GCM1: variants seen among roughly 807,000 people sequenced by gnomAD.
GCM1 encodes the protein chorion-specific transcription factor GCMa.
In GCM1, 2 loss-of-function variants were observed where a neutral mutation model predicts 25.7. The observed-to-expected ratio is 0.08, with a 90% CI of 0.03 to 0.24. The LOEUF (loss-of-function observed/expected upper bound fraction) is 0.24. Ranked by LOEUF, GCM1 falls within the 10% of genes least tolerant of loss-of-function variation. GCM1 has a pLI of 1.00. For synonymous variants in GCM1, 183 were observed against 195.7 expected (o/e 0.94, Z 0.54); for missense variants, 395 against 538.7 (o/e 0.73, Z 2.64).
intron 2 of GCM1, among the ~76,000 whole-genome samples, chr6:53,137,974 T>G (rs1213758535): frequency 6.6e-6 from 1 of 151,626 alleles, no homozygotes; most frequent in Non-Finnish European, 1.5e-5. Flanking sequence ...ACCTTAGTTT[T>G]CCAGTTCTAT....
At chr6:53,147,394 G>A (rs1334185729) in intron 1 of GCM1, among the ~76,000 whole-genome samples, 1 of 148,806 alleles carries the variant, frequency 6.7e-6, no homozygotes. Flanking sequence ...GCTTTGGCGA[G>A]ACCCATGAAC....
chr6:53,146,533 A>G (rs1160868098), intron 1 of GCM1, among the ~76,000 whole-genome samples: 1 of 152,170 alleles, frequency 6.6e-6, no homozygotes, highest in Admixed American at 6.5e-5. Flanking sequence ...AAAAAAATAT[A>G]TTTGAAAATC....
intron 2 of GCM1, among the ~76,000 whole-genome samples, chr6:53,139,585 A>G (rs1450191657): frequency 6.6e-6 from 1 of 151,816 alleles, no homozygotes; most frequent in Non-Finnish European, 1.5e-5. Flanking sequence ...GACTCAGGAC[A>G]GGCCAGGCGC....
intron 1 of GCM1, among the ~76,000 whole-genome samples, chr6:53,147,436 T>C (rs867032754): frequency 6.7e-6 from 1 of 148,330 alleles, no homozygotes; most frequent in Non-Finnish European, 1.5e-5. Context: ...TTTTTTTTTT[T>C]TTTTTTTTTT....
Position 53,134,322 on chromosome 6 carries a change from G to T in GCM1, c.78C>A (p.Asn26Lys). The part of the protein sequence containing the change: ...WDINDVKLPQ[N>K]VKKTDWFQEW... ...CCTGGAACCAGTCGGTTTTTTTCAC[G>T]TTCTGATAGAAACACAAAAGATACG... Residue 26 changes from asparagine to lysine, a missense_variant and splice_region_variant, in exon 3 of 6, where the codon AAC (asparagine) becomes AAA (lysine). Transcript: ENST00000259803. The T allele has an allele frequency of 6.2e-7, 1 of 1,612,892 alleles. No homozygotes were observed. Among genetic ancestry groups the T allele is most frequent in the Non-Finnish European group, 8.5e-7 (1 of 1,178,922 alleles).
intron 2 of GCM1, among the ~76,000 whole-genome samples, chr6:53,140,912 A>G (rs1763862743): frequency 6.6e-6 from 1 of 152,200 alleles, no homozygotes; most frequent in Non-Finnish European, 1.5e-5. Context: ...CTAAATCAAC[A>G]CCAGACTTTT....
intron 3 of GCM1, among the ~76,000 whole-genome samples, chr6:53,133,197 G>T (rs1763749668): frequency 6.6e-6 from 1 of 152,134 alleles, no homozygotes; most frequent in African/African-American, 2.4e-5. Flanking sequence ...TTTGGATGGA[G>T]TCTGTCACCC....
chr6:53,140,356 T>G (rs550142768), intron 2 of GCM1, among the ~76,000 whole-genome samples: 1 of 152,202 alleles, frequency 6.6e-6, no homozygotes, highest in Admixed American at 6.5e-5. Context: ...TGTGGCCACA[T>G]GGATTCACAG....
chr6:53,146,439 C>T (rs928271732), intron 1 of GCM1, among the ~76,000 whole-genome samples: 6 of 151,600 alleles, frequency 4.0e-5, no homozygotes, highest in African/African-American at 7.3e-5. Flanking sequence ...AGCCTGGTCT[C>T]GAACTCCTGA....
At chr6:53,139,333 T>C (rs920639432) in intron 2 of GCM1, among the ~76,000 whole-genome samples, 4 of 151,914 alleles carry the variant, frequency 2.6e-5, no homozygotes, top group African/African-American at 4.8e-5. Context: ...AGGAAAAAAA[T>C]TGAATTCAAC....
chr6:53,145,029 G>C lies in GCM1; in HGVS notation c.75+529C>G, dbSNP rs114740280. ...AAAAAAGAAAGAAAGAAAAAAGGAAGAAGGCAGGAAGGCAAGGCAAGGCGA... is the reference window on the plus strand; with the variant it reads ...AAAAAAGAAAGAAAGAAAAAAGGAACAAGGCAGGAAGGCAAGGCAAGGCGA... On this transcript the variant is annotated intron_variant, in intron 2 of 5. Coordinates refer to ENST00000259803, the MANE Select transcript of GCM1 (RefSeq NM_003643.4). Among the ~76,000 whole-genome samples the C allele has an allele frequency of 1.8e-3, 271 of 151,702 alleles. 2 individuals are homozygous for C. Among genetic ancestry groups the C allele is most frequent in the African/African-American group, 6.2e-3 (258 of 41,364 alleles).
At chr6:53,144,888 C>T (rs1763930707) in intron 2 of GCM1, among the ~76,000 whole-genome samples, 1 of 135,096 alleles carries the variant, frequency 7.4e-6, no homozygotes, top group Non-Finnish European at 1.5e-5. Context: ...GCACTCCAAC[C>T]TAGTTGACAG....
chr6:53,139,073 C>A (rs1354848880), intron 2 of GCM1, among the ~76,000 whole-genome samples: 2 of 152,112 alleles, frequency 1.3e-5, no homozygotes, highest in Non-Finnish European at 2.9e-5. Context: ...TCTGCTCTTG[C>A]ATAAAGTAAA....
chr6:53,134,496 C>G (rs1440802488), intron 2 of GCM1, among the ~76,000 whole-genome samples, 172 bp from the exon 3 acceptor site: 1 of 152,220 alleles, frequency 6.6e-6, no homozygotes, highest in Non-Finnish European at 1.5e-5. Flanking sequence ...GAGCCCAGCA[C>G]AACAGTGGCA....
At chr6:53,147,439 T>A (rs536455153) in intron 1 of GCM1, among the ~76,000 whole-genome samples, 15,613 of 148,528 alleles carry the variant, frequency 0.11, 1,892 homozygotes, top group African/African-American at 0.29. Flanking sequence ...TTTTTTTTTT[T>A]TTTTTTTTAA....
chr6:53,144,909 T>A (rs1581856443), intron 2 of GCM1, among the ~76,000 whole-genome samples: 2 of 77,262 alleles, frequency 2.6e-5, no homozygotes, highest in African/African-American at 6.7e-5. Context: ...AGCCAGACCC[T>A]ACCTCAAAAA....
intron 5 of GCM1, among the ~76,000 whole-genome samples, chr6:53,129,987 G>T (rs1166119486): frequency 6.6e-6 from 1 of 152,196 alleles, no homozygotes; most frequent in Non-Finnish European, 1.5e-5. Context: ...TAGAGAAAAA[G>T]GGCTGTGACC....
chr6:53,134,138 C>T lies in GCM1; in HGVS notation c.262G>A (p.Ala88Thr), dbSNP rs150847762. ...GVVVCGRDCL[A>T]EEGRKIYLRP... ...AGGTAGATCTTGCGCCCCTCCTCTG[C>T]GAGACAGTCGCGGCCGCACACCACC... The change falls in exon 3 of 6, where the codon GCA becomes ACA. Residue 88 changes from alanine to threonine, a missense_variant. Ala to Thr is a moderately conservative substitution (Grantham distance 58, BLOSUM62 0). Transcript: ENST00000259803. 1.8e-3 allele frequency: 2,986 copies of T among 1,614,108 alleles called. 5 individuals carry two copies. Among genetic ancestry groups the T allele is most frequent in the Non-Finnish European group, 2.3e-3 (2,710 of 1,180,002 alleles).
chr6:53,145,813 A>G lies in GCM1; in HGVS notation c.-136-45T>C, dbSNP rs1056864230. 13 of 452,704 alleles carry G rather than the reference A, an allele frequency of 2.9e-5. No individual in the cohort carries two copies. The African/African-American group carries it at 4.9e-4, about 17-fold the overall frequency. 28.0% of individuals were successfully genotyped at this position (452,704 alleles called of 1,614,324 possible). ...TAGTATTGGCCATTAAAGAGATTTA[A>G]AAAAAAACCCCAATGCTCCTCTGCC... On this transcript the variant is annotated intron_variant, in intron 1 of 5. Transcript: ENST00000259803.
Sources: gnomAD v4.1 joint callset for allele counts (sites outside exome capture counted in the v4.1 genomes callset) on GRCh38, gnomAD v4.1.1 for gene constraint, MANE v1.5 for transcripts, NCBI Gene and HGNC (gene_info 2026-07-23, HGNC 2026-07-21) for gene names.